The following KIAA0825 variants were observed in gnomAD, a reference collection of about 807,000 sequenced individuals.
The protein encoded by KIAA0825 is KIAA0825.
KIAA0825 carries 119 observed loss-of-function variants against 147.6 expected under a neutral mutation model. The observed-to-expected ratio is 0.81, with a 90% CI of 0.69 to 0.94. KIAA0825 has a LOEUF of 0.94. Ranked by LOEUF, KIAA0825 falls within the 40% of genes least tolerant of loss-of-function variation. The pLI, the probability that KIAA0825 is intolerant of heterozygous loss-of-function variation, is 0.00. For missense variants in KIAA0825, 1,381 were observed against 1,472.7 expected (o/e 0.94, Z 1.02); for synonymous variants, 470 against 518.1 (o/e 0.91, Z 1.26).
chr5:94,161,039 A>G (rs953883210), intron 20 of KIAA0825, among the ~76,000 whole-genome samples: 1 of 152,140 alleles, frequency 6.6e-6, no homozygotes, highest in African/African-American at 2.4e-5. Context: ...ACGACTCCCA[A>G]TCTTGTTCAC....
chr5:94,269,044 T>A (rs1776862919), intron 20 of KIAA0825, among the ~76,000 whole-genome samples: 1 of 152,176 alleles, frequency 6.6e-6, no homozygotes, highest in Admixed American at 6.5e-5. Flanking sequence ...TTGCAAATAT[T>A]TATCCAGTCC....
intron 20 of KIAA0825, among the ~76,000 whole-genome samples, chr5:94,292,361 T>TAATC (rs1348893813): frequency 6.6e-6 from 1 of 152,212 alleles, no homozygotes; most frequent in African/African-American, 2.4e-5. Flanking sequence ...ATCATTGAGA[T>TAATC]AATCATGTGG....
chr5:94,217,499 T>C (rs1010243860), intron 20 of KIAA0825, among the ~76,000 whole-genome samples: 1 of 152,150 alleles, frequency 6.6e-6, no homozygotes, highest in African/African-American at 2.4e-5. Flanking sequence ...CTATTTACCA[T>C]GATGGGCTGA....
intron 20 of KIAA0825, among the ~76,000 whole-genome samples, chr5:94,216,806 G>T (rs1773241718): frequency 6.6e-6 from 1 of 152,010 alleles, no homozygotes. Context: ...CTCTACTGTT[G>T]CCCTTTATTT....
intron 10 of KIAA0825, among the ~76,000 whole-genome samples, chr5:94,469,663 G>A (rs1760979769): frequency 6.6e-6 from 1 of 152,166 alleles, no homozygotes; most frequent in African/African-American, 2.4e-5. Flanking sequence ...TTTTGGCATT[G>A]TTATCTCTTT....
intron 18 of KIAA0825, among the ~76,000 whole-genome samples, chr5:94,390,400 G>A (rs1413858173): frequency 6.6e-6 from 1 of 152,198 alleles, no homozygotes; most frequent in African/African-American, 2.4e-5. Context: ...TTGCAATAGA[G>A]GTCTTTCAGT....
chr5:94,275,485 T>C (rs1777182655), intron 20 of KIAA0825, among the ~76,000 whole-genome samples: 1 of 152,120 alleles, frequency 6.6e-6, no homozygotes, highest in South Asian at 2.1e-4. Context: ...ACCTCTCCAA[T>C]TGGAGTTACT....
chr5:94,255,142 T>C (rs1424796871), intron 20 of KIAA0825, among the ~76,000 whole-genome samples: 1 of 150,938 alleles, frequency 6.6e-6, no homozygotes, highest in Admixed American at 6.7e-5. Context: ...TTAATAAATA[T>C]TTAGTCATGA....
At chr5:94,505,012 C>A (rs139128648) in intron 5 of KIAA0825, among the ~76,000 whole-genome samples, 17,790 of 151,526 alleles carry the variant, frequency 0.12, 1,354 homozygotes, top group East Asian at 0.22. Flanking sequence ...TCCCAAAGTA[C>A]TGGGATTACA....
intron 3 of KIAA0825, among the ~76,000 whole-genome samples, chr5:94,531,089 G>T (rs1297609899): frequency 6.6e-6 from 1 of 151,952 alleles, no homozygotes; most frequent in Non-Finnish European, 1.5e-5. Flanking sequence ...GCCAAGAGTA[G>T]GTGAAGCTAA....
chr5:94,486,395 A>C (rs1400374211), intron 5 of KIAA0825, among the ~76,000 whole-genome samples: 1 of 152,090 alleles, frequency 6.6e-6, no homozygotes, highest in Non-Finnish European at 1.5e-5. Flanking sequence ...CACTTCAGTG[A>C]AACTTTAAAA....
At chr5:94,447,895 A>G (rs1354974840) in intron 13 of KIAA0825, among the ~76,000 whole-genome samples, 1 of 152,108 alleles carries the variant, frequency 6.6e-6, no homozygotes, top group Non-Finnish European at 1.5e-5. Flanking sequence ...AAAGAAAATT[A>G]GTAGTTAAAA....
chr5:94,497,945 A>T lies in KIAA0825; in HGVS notation c.971-13015T>A, dbSNP rs77363229. Among the ~76,000 whole-genome samples, 305 of 152,234 alleles carry T rather than the reference A, an allele frequency of 2.0e-3. 1 individual carries two copies. The highest frequency in any genetic ancestry group is 7.1e-3 in the African/African-American group (296 of 41,550). On this transcript the variant is annotated intron_variant, in intron 5 of 20. Coordinates refer to ENST00000682413, the MANE Select transcript of KIAA0825 (RefSeq NM_001145678.3). ...CCTAGCCATCCTGTTCTCAATGTTT[A>T]TGGCTTCACCTCAGCATAAACTCGC...
intron 1 of KIAA0825, among the ~76,000 whole-genome samples, chr5:94,600,338 C>G (rs1006986095): frequency 1.3e-5 from 2 of 151,868 alleles, no homozygotes; most frequent in Non-Finnish European, 2.9e-5. Flanking sequence ...ATATTATATT[C>G]CTTATATTTC....
chr5:94,451,612 T>G (rs1758420651), intron 13 of KIAA0825, among the ~76,000 whole-genome samples: 1 of 152,134 alleles, frequency 6.6e-6, no homozygotes, highest in Non-Finnish European at 1.5e-5. Flanking sequence ...GCTGTAGATA[T>G]AGAAAAGAGA....
intron 20 of KIAA0825, among the ~76,000 whole-genome samples, chr5:94,256,915 T>C (rs546452180): frequency 6.6e-6 from 1 of 152,256 alleles, no homozygotes; most frequent in African/African-American, 2.4e-5. Flanking sequence ...GAAGTTAATA[T>C]TCATCTCTCT....
At chr5:94,231,055 C>T (rs906659160) in intron 20 of KIAA0825, among the ~76,000 whole-genome samples, 1 of 152,008 alleles carries the variant, frequency 6.6e-6, no homozygotes, top group African/African-American at 2.4e-5. Flanking sequence ...TAGGAAAGAA[C>T]ACATATGTTT....
intron 20 of KIAA0825, among the ~76,000 whole-genome samples, chr5:94,350,806 C>A (rs868356391): frequency 2.6e-5 from 4 of 152,186 alleles, no homozygotes; most frequent in African/African-American, 9.6e-5. Context: ...CTATGACAAA[C>A]CCACAGCCAA....
rs202075088 is a variant in KIAA0825, at chr5:94,331,186, AAAGG to A, written c.3710+53178_3710+53181del. 3.8e-3 allele frequency among the ~76,000 whole-genome samples: 583 copies of A among 151,648 alleles called. 1 individual carries two copies. The highest frequency in any genetic ancestry group is 0.013 in the African/African-American group (523 of 41,326). On this transcript the variant is annotated intron_variant, in intron 20 of 20. Transcript: ENST00000682413. ...AGAGAGAAAGAAAGAAGAAGAGAAGAAAGGAAGGAAGGAAGGAAAGAGAAAGAAA... is the reference window on the plus strand; with the variant it reads ...AGAGAGAAAGAAAGAAGAAGAGAAGAAAGGAAGGAAGGAAAGAGAAAGAAA...
Sources: gnomAD v4.1 joint callset for allele counts (sites outside exome capture counted in the v4.1 genomes callset) on GRCh38, gnomAD v4.1.1 for gene constraint, MANE v1.5 for transcripts, NCBI Gene and HGNC (gene_info 2026-07-23, HGNC 2026-07-21) for gene names.